Variants in LOC400499 observed in about 807,000 individuals in gnomAD.
chr16:11,431,993 C>T, the LOC400499 span, among the ~76,000 whole-genome samples: 1 of 152,198 alleles, frequency 6.6e-6, no homozygotes, highest in South Asian at 2.1e-4. Flanking sequence ...ACCCAGCCAC[C>T]TGGTAAGAAG....
chr16:11,384,054 G>C, the LOC400499 span: 1 of 1,231,716 alleles, frequency 8.1e-7, no homozygotes, highest in Non-Finnish European at 1.0e-6. Flanking sequence ...GGACCATGTG[G>C]CTCCCCCGCG....
At chr16:11,478,130 T>A in the LOC400499 span, 88 of 385,550 alleles carry the variant, frequency 2.3e-4, no homozygotes, top group African/African-American at 1.7e-3. Flanking sequence ...CTGGCCAACA[T>A]TGGGAAACCC....
the LOC400499 span, among the ~76,000 whole-genome samples, chr16:11,488,261 G>C: frequency 2.6e-5 from 4 of 151,922 alleles, no homozygotes; most frequent in African/African-American, 9.7e-5. Context: ...AAAATATAAG[G>C]TACAAACAGC....
chr16:11,477,261 C>G, the LOC400499 span, among the ~76,000 whole-genome samples: 2 of 152,238 alleles, frequency 1.3e-5, no homozygotes, highest in African/African-American at 4.8e-5. Context: ...CGCCAGAGAG[C>G]ACCCAGCCTA....
the LOC400499 span, among the ~76,000 whole-genome samples, chr16:11,476,243 G>C: frequency 6.6e-6 from 1 of 151,972 alleles, no homozygotes; most frequent in African/African-American, 2.4e-5. Context: ...AGCAGGACAA[G>C]GGAAAGAATA....
chr16:11,385,644 G>C, the LOC400499 span, among the ~76,000 whole-genome samples: 1 of 152,228 alleles, frequency 6.6e-6, no homozygotes, highest in African/African-American at 2.4e-5. Context: ...AACAAGGAAA[G>C]GAGTCCTGAG....
the LOC400499 span, chr16:11,456,826 G>A: frequency 2.0e-6 from 3 of 1,535,484 alleles, no homozygotes; most frequent in Non-Finnish European, 2.6e-6. Flanking sequence ...AACCTGAGCT[G>A]CTAGCCAAGG....
chr16:11,500,215 G>A, the LOC400499 span, among the ~76,000 whole-genome samples: 1 of 152,122 alleles, frequency 6.6e-6, no homozygotes, highest in Non-Finnish European at 1.5e-5. Flanking sequence ...TCCTTATAGA[G>A]ACCAGAAAAC....
At chr16:11,513,507 C>A in the LOC400499 span, among the ~76,000 whole-genome samples, 1 of 152,040 alleles carries the variant, frequency 6.6e-6, no homozygotes, top group Non-Finnish European at 1.5e-5. Flanking sequence ...TCTTGGCTCA[C>A]TGCACCTCCG....
chr16:11,383,714 A>G, the LOC400499 span: 2 of 1,232,484 alleles, frequency 1.6e-6, no homozygotes, highest in Non-Finnish European at 2.0e-6. Flanking sequence ...GCCAGGTTGC[A>G]GGCAGGCTGG....
chr16:11,485,106 C>T, the LOC400499 span: 8 of 398,820 alleles, frequency 2.0e-5, no homozygotes, highest in East Asian at 7.1e-5. Context: ...CAGGGAGGAA[C>T]AATTCAGTCA....
At chr16:11,436,971 A>G in the LOC400499 span, among the ~76,000 whole-genome samples, 3 of 152,200 alleles carry the variant, frequency 2.0e-5, no homozygotes, top group African/African-American at 4.8e-5. Flanking sequence ...AGACAATGGA[A>G]TATTATCTAG....
At chr16:11,441,278 G>C in the LOC400499 span, among the ~76,000 whole-genome samples, 1 of 152,250 alleles carries the variant, frequency 6.6e-6, no homozygotes, top group Non-Finnish European at 1.5e-5. Context: ...CTACAGGTAA[G>C]ATTAGCAGGG....
At chr16:11,495,781 C>T in the LOC400499 span, among the ~76,000 whole-genome samples, 100 of 151,596 alleles carry the variant, frequency 6.6e-4, no homozygotes, top group Middle Eastern at 3.4e-3. Context: ...TTTTGCAGAG[C>T]AGGAAGCTGA....
the LOC400499 span, chr16:11,450,946 G>C: frequency 3.6e-6 from 3 of 839,940 alleles, no homozygotes; most frequent in Non-Finnish European, 5.4e-6. Flanking sequence ...GAATAACTAG[G>C]CATGAGGGAA....
the LOC400499 span, among the ~76,000 whole-genome samples, chr16:11,465,861 G>C: frequency 6.6e-6 from 1 of 151,284 alleles, no homozygotes; most frequent in African/African-American, 2.4e-5. Context: ...GGAAAAGAGA[G>C]GGAATAGAGG....
the LOC400499 span, chr16:11,401,382 G>A: frequency 1.9e-3 from 749 of 399,862 alleles, 2 homozygotes; most frequent in Non-Finnish European, 2.7e-3. Context: ...CTCTTCCCCA[G>A]CCACAGGGAG....
At chr16:11,386,907 C>G in the LOC400499 span, among the ~76,000 whole-genome samples, 15 of 152,340 alleles carry the variant, frequency 9.8e-5, no homozygotes, top group East Asian at 2.9e-3. Flanking sequence ...CTAAACCACC[C>G]TCCTCACCCC....
At chr16:11,377,334 C>A in the LOC400499 span, among the ~76,000 whole-genome samples, 4 of 152,062 alleles carry the variant, frequency 2.6e-5, 1 homozygote, top group Admixed American at 2.6e-4. Context: ...ATTTGGATGC[C>A]TTTTCTTTCT....
Sources: gnomAD v4.1 joint callset for allele counts (sites outside exome capture counted in the v4.1 genomes callset) on GRCh38, gnomAD v4.1.1 for gene constraint, MANE v1.5 for transcripts.